Variants in HS6ST1 observed in about 807,000 individuals in gnomAD.
HS6ST1 encodes heparan-sulfate 6-O-sulfotransferase 1.
A neutral mutation model predicts 25.2 loss-of-function variants in HS6ST1; 3 were observed. That is an observed-to-expected ratio of 0.12 (90% confidence interval 0.05 to 0.31). HS6ST1 has a LOEUF of 0.31. HS6ST1 is among the 10% of genes least tolerant of loss of function. HS6ST1 has a pLI of 1.00. For synonymous variants in HS6ST1, 204 were observed against 275.1 expected (o/e 0.74, Z 2.56); for missense variants, 310 against 609.6 (o/e 0.51, Z 5.18).
At chr2:128,286,526 T>C (rs532094985) in intron 1 of HS6ST1, among the ~76,000 whole-genome samples, 2 of 152,224 alleles carry the variant, frequency 1.3e-5, no homozygotes, top group East Asian at 3.9e-4. Context: ...CCCTGGGAGC[T>C]TGCACTGCAC....
At chr2:128,283,813 T>C (rs1302482211) in intron 1 of HS6ST1, among the ~76,000 whole-genome samples, 2 of 152,192 alleles carry the variant, frequency 1.3e-5, no homozygotes, top group Non-Finnish European at 2.9e-5. Context: ...TCTTGGGGGC[T>C]TCCTGAGTTC....
rs1223321400 is a variant in HS6ST1, at chr2:128,268,684, G to A, written c.714C>T (p.Phe238=). The part of the protein sequence containing the change: ...TDWSGCTLQE[F]MDCPYNLANN... ...TGGCCAGGTTGTACGGGCAGTCCAT[G>A]AACTCCTGTAGCGTGCAGCCCGACC... Residue 238 remains phenylalanine (F), a synonymous_variant, in exon 2 of 2, where the codon TTC becomes TTT. Coordinates refer to ENST00000259241, the MANE Select transcript of HS6ST1 (RefSeq NM_004807.3). 3.1e-6 allele frequency: 5 copies of A among 1,611,822 alleles called. No individual in the cohort carries two copies. The highest frequency in any genetic ancestry group is 2.2e-5 in the East Asian group (1 of 44,870).
intron 1 of HS6ST1, among the ~76,000 whole-genome samples, chr2:128,274,158 A>G (rs868822611): frequency 2.0e-4 from 30 of 152,320 alleles, no homozygotes; most frequent in Middle Eastern, 3.4e-3. Flanking sequence ...AGGCTTCCAG[A>G]AAGAGGGGAG....
At chr2:128,293,886 A>G (rs7573453) in intron 1 of HS6ST1, among the ~76,000 whole-genome samples, 3,918 of 152,276 alleles carry the variant, frequency 0.026, 193 homozygotes, top group African/African-American at 0.09. Flanking sequence ...TAAGTGTGGA[A>G]TGGCCATGCT....
intron 1 of HS6ST1, among the ~76,000 whole-genome samples, chr2:128,273,499 G>A (rs6717511): frequency 0.12 from 18,473 of 152,290 alleles, 1,293 homozygotes; most frequent in Non-Finnish European, 0.15. Flanking sequence ...CGGTATGGAA[G>A]CCACTACCTG....
At chr2:128,271,822 T>G (rs1192867410) in intron 1 of HS6ST1, among the ~76,000 whole-genome samples, 1 of 152,196 alleles carries the variant, frequency 6.6e-6, no homozygotes, top group African/African-American at 2.4e-5. Flanking sequence ...AACTCATTCC[T>G]CAGCCGCACA....
intron 1 of HS6ST1, among the ~76,000 whole-genome samples, chr2:128,284,119 G>C (rs1693826333): frequency 6.6e-6 from 1 of 151,876 alleles, no homozygotes; most frequent in African/African-American, 2.4e-5. Flanking sequence ...CCTGTTCCCG[G>C]GGGCTTTCCT....
intron 1 of HS6ST1, among the ~76,000 whole-genome samples, chr2:128,309,791 T>C (rs1328238401): frequency 6.6e-6 from 1 of 152,170 alleles, no homozygotes; most frequent in Non-Finnish European, 1.5e-5. Flanking sequence ...GGCCCCGCGG[T>C]CAGTCTCCCC....
chr2:128,308,676 C>CA (rs1694246711), intron 1 of HS6ST1, among the ~76,000 whole-genome samples: 1 of 152,198 alleles, frequency 6.6e-6, no homozygotes, highest in African/African-American at 2.4e-5. Context: ...TGGGTGGTCC[C>CA]AAGGCCATAG....
At chr2:128,313,719 C>G (rs1484045910) in intron 1 of HS6ST1, among the ~76,000 whole-genome samples, 1 of 152,082 alleles carries the variant, frequency 6.6e-6, no homozygotes, top group Non-Finnish European at 1.5e-5. Flanking sequence ...TTCCCTGGCC[C>G]TAGGGACCAA....
At chr2:128,275,777 G>A (rs1693685872) in intron 1 of HS6ST1, among the ~76,000 whole-genome samples, 1 of 152,186 alleles carries the variant, frequency 6.6e-6, no homozygotes, top group African/African-American at 2.4e-5. Flanking sequence ...ATCTCCAAGT[G>A]TCTTCACTGG....
rs1446948048 is a variant in HS6ST1 at position 128,299,769 on chromosome 2, G to C, written c.527+18268C>G. Among the ~76,000 whole-genome samples the C allele has an allele frequency of 5.3e-5, 8 of 152,224 alleles. No homozygotes were observed. The East Asian group carries it at 1.3e-3, about 26-fold the overall frequency. On this transcript the variant is annotated intron_variant, in intron 1 of 1. Coordinates refer to ENST00000259241, the MANE Select transcript of HS6ST1 (RefSeq NM_004807.3). ...GCACACAGGGTAGGGAGCTGTGGCT[G>C]AGAGGCTCATAACCCCTCCCCCATC...
Position 128,266,988 on chromosome 2 carries a change from GTGTC to G in HS6ST1, c.*1170_*1173del, listed in dbSNP as rs1693527035. 6.6e-6 allele frequency: 1 copy of G among 152,256 alleles called. No individual in the cohort carries two copies. The highest frequency in any genetic ancestry group is 2.4e-5 in the African/African-American group (1 of 41,426). The allele number at this position is 152,256 out of a possible 1,614,324, so 9.4% of individuals were successfully genotyped here. A position where few individuals can be genotyped will look rare whatever the true frequency, so the allele number is the denominator to read the frequency against. ...GGAGAGCCAGGGTGGGGAGGGCTGA[GTGTC>G]TGTTGTCAGGGAGGCCACCTACAGC... is the stretch of plus-strand genomic sequence containing the variant. On this transcript the variant is annotated 3_prime_UTR_variant, in exon 2 of 2. Coordinates refer to ENST00000259241, the MANE Select transcript of HS6ST1 (RefSeq NM_004807.3).
chr2:128,303,408 G>A (rs1694163388), intron 1 of HS6ST1, among the ~76,000 whole-genome samples: 1 of 152,242 alleles, frequency 6.6e-6, no homozygotes. Flanking sequence ...CTGTGCTTGA[G>A]AACAAGTTCT....
In HS6ST1 at chr2:128,268,732, C is replaced by A; in HGVS notation, c.666G>T (p.Pro222=). 3 of 1,612,594 alleles carry A rather than the reference C, an allele frequency of 1.9e-6. No individual in the cohort carries two copies. Among genetic ancestry groups the A allele is most frequent in the South Asian group, 1.1e-5 (1 of 91,042 alleles). The change falls in exon 2 of 2, where the codon CCG becomes CCT. Residue 222 remains proline (P), a synonymous_variant. Transcript: ENST00000259241. ...ACCAGTCCGTGCCCTCGTAGCAGGG[C>A]GGCAGCTCCTCAGGCGTGGGCGTGC... The part of the protein sequence containing the change: ...DGRTPTPEEL[P]PCYEGTDWSG...
intron 1 of HS6ST1, among the ~76,000 whole-genome samples, chr2:128,298,323 T>C (rs1694070301): frequency 6.6e-6 from 1 of 152,298 alleles, no homozygotes; most frequent in Non-Finnish European, 1.5e-5. Flanking sequence ...TTTAGATATA[T>C]TCCCAAACAA....
chr2:128,269,605 A>C (rs975334982), intron 1 of HS6ST1, among the ~76,000 whole-genome samples: 1 of 152,214 alleles, frequency 6.6e-6, no homozygotes, highest in African/African-American at 2.4e-5. Flanking sequence ...CAGGTGGGTA[A>C]AACGTGGTGG....
At chr2:128,317,584 C>G (rs963478886) in intron 1 of HS6ST1, among the ~76,000 whole-genome samples, 1 of 152,226 alleles carries the variant, frequency 6.6e-6, no homozygotes, top group Non-Finnish European at 1.5e-5. Flanking sequence ...ACAGGGGCGG[C>G]ACCTCACTAC....
intron 1 of HS6ST1, among the ~76,000 whole-genome samples, chr2:128,288,188 T>C (rs953216048): frequency 6.6e-6 from 1 of 152,172 alleles, no homozygotes; most frequent in African/African-American, 2.4e-5. Flanking sequence ...GCTGAGGCTA[T>C]TGCGAGGACT....
Sources: allele counts gnomAD v4.1 joint callset (sites outside exome capture counted in the v4.1 genomes callset), GRCh38; gene constraint gnomAD v4.1.1; transcripts MANE v1.5; gene names NCBI Gene and HGNC (gene_info 2026-07-23, HGNC 2026-07-21).